Variants in CACNA1C observed in about 807,000 individuals in gnomAD.
CACNA1C encodes calcium voltage-gated channel subunit alpha1 C.
In CACNA1C, 30 loss-of-function variants were observed where a neutral mutation model predicts 229.0. The observed-to-expected ratio is 0.13, with a 90% confidence interval of 0.10 to 0.18. The LOEUF (loss-of-function observed/expected upper bound fraction) is 0.18. CACNA1C is among the 10% of genes least tolerant of loss of function. CACNA1C has a pLI of 1.00. For synonymous variants in CACNA1C, 1,114 were observed against 1,132.5 expected, an observed-to-expected ratio of 0.98 and a Z score of 0.33; for missense variants, 1,658 against 2,845.0, an observed-to-expected ratio of 0.58 and a Z score of 9.49.
At chr12:2,355,090 G>A (rs910689673) in intron 3 of CACNA1C, among the ~76,000 whole-genome samples, 70 of 152,088 alleles carry the variant, frequency 4.6e-4, no homozygotes, top group African/African-American at 1.6e-3. Context: ...CCGCTTCCCC[G>A]GGTATTTATC....
At chr12:2,207,784 G>A (rs2097792728) in intron 3 of CACNA1C, among the ~76,000 whole-genome samples, 1 of 152,084 alleles carries the variant, frequency 6.6e-6, no homozygotes, top group African/African-American at 2.4e-5. Context: ...TCGTGCCACT[G>A]TATTCCAGCT....
At chr12:2,522,021 G>A (rs556838078) in intron 9 of CACNA1C, among the ~76,000 whole-genome samples, 105 of 152,290 alleles carry the variant, frequency 6.9e-4, no homozygotes, top group African/African-American at 2.4e-3. Flanking sequence ...TTGTTTTCCA[G>A]AAACGCCTGC....
exon 1 of CACNA1C, chr12:1,970,991 A>G (rs955760151): frequency 9.8e-7 from 1 of 1,024,520 alleles, no homozygotes; most frequent in East Asian, 6.5e-5. Flanking sequence ...TTAAAAAATT[A>G]TAAGAGATCA....
At chr12:2,435,775 T>C (rs1596190590) in intron 3 of CACNA1C, among the ~76,000 whole-genome samples, 1 of 152,222 alleles carries the variant, frequency 6.6e-6, no homozygotes, top group Non-Finnish European at 1.5e-5. Context: ...TACAATGCAC[T>C]GTGGATAGCA....
At chr12:2,194,455 C>T (rs1033572299) in intron 3 of CACNA1C, among the ~76,000 whole-genome samples, 2 of 150,828 alleles carry the variant, frequency 1.3e-5, no homozygotes, top group African/African-American at 2.4e-5. Context: ...AGCTTACTCA[C>T]GTTGACCTTG....
intron 3 of CACNA1C, among the ~76,000 whole-genome samples, 182 bp downstream of exon 3, chr12:2,120,612 G>A (rs978897016): frequency 2.6e-5 from 4 of 151,206 alleles, no homozygotes; most frequent in Non-Finnish European, 5.9e-5. Flanking sequence ...GTCTCATTCC[G>A]GCCTGTTTTC....
chr12:2,668,814 A>C (rs922602159), intron 37 of CACNA1C, 119 bp from the exon 38 acceptor site: 2 of 701,006 alleles, frequency 2.9e-6, no homozygotes, highest in African/African-American at 1.7e-5. Flanking sequence ...GGGGATTACA[A>C]TTCAACATGA....
chr12:2,211,120 A>G (rs556088709), intron 3 of CACNA1C, among the ~76,000 whole-genome samples: 1 of 152,338 alleles, frequency 6.6e-6, no homozygotes, highest in South Asian at 2.1e-4. Flanking sequence ...CCCAGGAATC[A>G]AGGTGGGTGT....
chr12:2,193,500 C>T (rs1020407416), intron 3 of CACNA1C, among the ~76,000 whole-genome samples: 1 of 152,222 alleles, frequency 6.6e-6, no homozygotes, highest in Admixed American at 6.5e-5. Context: ...CCATGCACTC[C>T]TTCCCTGTAG....
At chr12:2,031,021 G>GTC (rs71441671) in intron 1 of CACNA1C, among the ~76,000 whole-genome samples, 26,765 of 152,168 alleles carry the variant, frequency 0.18, 2,546 homozygotes, top group African/African-American at 0.22. Context: ...GGCAAGACAG[G>GTC]TCTCTACAGG....
At chr12:2,453,016 C>T (rs2099392474) in intron 4 of CACNA1C, among the ~76,000 whole-genome samples, 1 of 152,152 alleles carries the variant, frequency 6.6e-6, no homozygotes, top group African/African-American at 2.4e-5. Flanking sequence ...CATAGGAAGC[C>T]ATCAAGTTGC....
At chr12:2,195,541 A>G (rs909387821) in intron 3 of CACNA1C, among the ~76,000 whole-genome samples, 1 of 152,216 alleles carries the variant, frequency 6.6e-6, no homozygotes, top group Non-Finnish European at 1.5e-5. Context: ...TTGCTGTCAC[A>G]AGAAAAAATG....
chr12:2,577,834 G>A (rs1248818193), intron 13 of CACNA1C, among the ~76,000 whole-genome samples: 1 of 151,992 alleles, frequency 6.6e-6, no homozygotes, highest in Admixed American at 6.5e-5. Context: ...ACATTCTGGC[G>A]AGGGCAAGCA....
intron 3 of CACNA1C, among the ~76,000 whole-genome samples, chr12:2,137,324 A>G (rs2093638162): frequency 6.6e-6 from 1 of 151,204 alleles, no homozygotes; most frequent in African/African-American, 2.4e-5. Flanking sequence ...AAATAAAGAT[A>G]ATAATTCCTA....
intron 1 of CACNA1C, 57 bp from the exon 2 acceptor site, chr12:2,115,167 G>T: frequency 7.6e-7 from 1 of 1,310,420 alleles, no homozygotes; most frequent in Non-Finnish European, 1.0e-6. Context: ...AGAGAGTGTC[G>T]GAAGTGCCCC....
chr12:2,492,399 T>C (rs1038429891), intron 6 of CACNA1C, among the ~76,000 whole-genome samples: 2 of 152,206 alleles, frequency 1.3e-5, no homozygotes, highest in Admixed American at 6.5e-5. Context: ...TCACTGCCGC[T>C]CTATCTTGAT....
chr12:2,549,393 A>G (rs940667926), intron 9 of CACNA1C, among the ~76,000 whole-genome samples: 20 of 152,242 alleles, frequency 1.3e-4, no homozygotes, highest in African/African-American at 4.8e-4. Flanking sequence ...CCTCTGTCTC[A>G]GTTGTGCTCC....
Position 2,633,581 on chromosome 12 carries a change from T to C in CACNA1C, c.3829-716T>C, listed in dbSNP as rs1296920476. ...GGTGGTGTTGCTCTGTTCTTGTCTG[T>C]CTAATATTCCTTTTTAATCCCCATC... is the stretch of plus-strand genomic sequence containing the variant. On this transcript the variant is annotated intron_variant, in intron 29 of 46. Coordinates refer to ENST00000399655, the MANE Select transcript of CACNA1C (RefSeq NM_000719.7). This position sits in a 1 kb window ranked among gnomAD's most constrained non-coding sequence, Gnocchi z 5.8. The C allele has an allele frequency of 1.9e-6, 2 of 1,046,238 alleles. No individual in the cohort carries two copies. The highest frequency in any genetic ancestry group is 3.0e-6 in the Non-Finnish European group (2 of 661,708). The allele number at this position is 1,046,238 out of a possible 1,614,324, so 64.8% of individuals were successfully genotyped here. A position where few individuals can be genotyped will look rare whatever the true frequency, so the allele number is the denominator to read the frequency against.
chr12:2,270,914 TG>T (rs550522676), intron 3 of CACNA1C, among the ~76,000 whole-genome samples: 124 of 152,124 alleles, frequency 8.2e-4, no homozygotes, highest in Non-Finnish European at 1.4e-3. Context: ...GTGGGGGGTG[TG>T]GGTGAAGTAA....
Sources: allele counts gnomAD v4.1 joint callset (sites outside exome capture counted in the v4.1 genomes callset), GRCh38; gene constraint gnomAD v4.1.1; non-coding constraint Gnocchi (gnomAD v3.1); transcripts MANE v1.5; gene names NCBI Gene and HGNC (gene_info 2026-07-23, HGNC 2026-07-21).